ITSN1: variants seen among roughly 807,000 people sequenced by gnomAD.
ITSN1 encodes intersectin 1, also known as intersectin-1.
Under a neutral mutation model 239.8 loss-of-function variants are expected in ITSN1, and 58 were observed. The observed-to-expected ratio is 0.24, with a 90% CI of 0.20 to 0.30. The LOEUF (loss-of-function observed/expected upper bound fraction) is 0.30. Among genes scored for constraint, ITSN1 ranks in the 10% least tolerant of loss-of-function variants. ITSN1 has a pLI of 1.00. For missense variants in ITSN1, 1,558 were observed against 2,103.3 expected (o/e 0.74, Z 5.07); for synonymous variants, 780 against 770.8 (o/e 1.01, Z -0.20).
chr21:33,801,669 G>T (rs1048832771), intron 19 of ITSN1, among the ~76,000 whole-genome samples: 1 of 152,052 alleles, frequency 6.6e-6, no homozygotes, highest in Non-Finnish European at 1.5e-5. Flanking sequence ...TCCCTATGTT[G>T]CCCAGGCTCC....
At chr21:33,860,107 G>C (rs1980190494) in intron 31 of ITSN1, among the ~76,000 whole-genome samples, 1 of 152,092 alleles carries the variant, frequency 6.6e-6, no homozygotes, top group Non-Finnish European at 1.5e-5. Context: ...AGGAGTTTGA[G>C]ACCAGCCTGG....
At chr21:33,883,728 C>T in intron 36 of ITSN1, 57 bp downstream of exon 36, 1 of 1,587,854 alleles carries the variant, frequency 6.3e-7, no homozygotes. Context: ...CTAGGACACA[C>T]AAGGGGCGGG....
At chr21:33,782,821 C>T (rs983526283) in intron 16 of ITSN1, among the ~76,000 whole-genome samples, 2 of 151,786 alleles carry the variant, frequency 1.3e-5, no homozygotes, top group African/African-American at 2.4e-5. Context: ...GTCAGGAGAT[C>T]GAGACCATCC....
intron 1 of ITSN1, among the ~76,000 whole-genome samples, chr21:33,651,032 T>C (rs2088479991): frequency 6.6e-6 from 1 of 152,256 alleles, no homozygotes; most frequent in Non-Finnish European, 1.5e-5. Flanking sequence ...AGTGTATCGC[T>C]GTTGTCCAGG....
chr21:33,884,461 G>A (rs1308018836), intron 36 of ITSN1, among the ~76,000 whole-genome samples: 7 of 152,166 alleles, frequency 4.6e-5, no homozygotes, highest in African/African-American at 1.7e-4. Flanking sequence ...AAATGAAATA[G>A]ATCATTTTCT....
intron 1 of ITSN1, among the ~76,000 whole-genome samples, chr21:33,686,569 GAGT>G (rs1251596367): frequency 2.6e-5 from 4 of 152,288 alleles, no homozygotes; most frequent in Middle Eastern, 3.4e-3. Context: ...TTTCAGGGTA[GAGT>G]TACTGTTTAC....
At chr21:33,717,289 C>A (rs865871199) in intron 1 of ITSN1, among the ~76,000 whole-genome samples, 3 of 151,736 alleles carry the variant, frequency 2.0e-5, no homozygotes, top group Non-Finnish European at 4.4e-5. Flanking sequence ...CTTGACCTCC[C>A]GAGCTCAGGT....
intron 4 of ITSN1, among the ~76,000 whole-genome samples, chr21:33,724,097 T>TTG (rs58227751): frequency 0.37 from 56,249 of 150,514 alleles, 10,704 homozygotes; most frequent in East Asian, 0.55. Flanking sequence ...GTGTGTGTGT[T>TTG]TGTGTGTGTG....
At chr21:33,885,717 T>C (rs188829749) in intron 38 of ITSN1, among the ~76,000 whole-genome samples, 195 bp downstream of exon 38, 95 of 152,312 alleles carry the variant, frequency 6.2e-4, no homozygotes, top group African/African-American at 2.3e-3. Flanking sequence ...ACCATTCTGC[T>C]TCTCCGAGGG....
intron 33 of ITSN1, 120 bp downstream of exon 33, chr21:33,867,451 A>G: frequency 1.5e-6 from 1 of 670,078 alleles, no homozygotes; most frequent in Non-Finnish European, 2.7e-6. Flanking sequence ...AAAGCACGAG[A>G]CAACAAGGTG....
chr21:33,740,352 G>C (rs2066768845), intron 5 of ITSN1, among the ~76,000 whole-genome samples: 1 of 152,130 alleles, frequency 6.6e-6, no homozygotes, highest in Non-Finnish European at 1.5e-5. Flanking sequence ...GCCTTGATGT[G>C]ATGTGACATT....
Position 33,818,126 on chromosome 21 carries a change from C to CTGCTG in ITSN1, c.2728-135_2728-131dup, listed in dbSNP as rs1194885068. The CTGCTG allele has an allele frequency of 2.6e-5, 17 of 664,170 alleles. No individual in the cohort carries two copies. In the East Asian group the frequency reaches 4.3e-4, roughly 17 times the overall value. 41.1% of individuals were successfully genotyped at this position (664,170 alleles called of 1,614,324 possible). A position where few individuals can be genotyped will look rare whatever the true frequency, so the allele number is the denominator to read the frequency against. ...GGAAACAGTGAAGCATCCAGCCCTC[C>CTGCTG]TGCTGTGCTGCCTCAGGGCCCTTTG... On this transcript the variant is annotated intron_variant, in intron 22 of 39. Coordinates refer to ENST00000381318, the MANE Select transcript of ITSN1 (RefSeq NM_003024.3).
intron 1 of ITSN1, among the ~76,000 whole-genome samples, chr21:33,686,702 G>A (rs566796451): frequency 1.8e-4 from 27 of 152,150 alleles, no homozygotes; most frequent in Non-Finnish European, 3.4e-4. Context: ...CACATTTCAA[G>A]ATGGATGATC....
At chr21:33,770,030 C>A (rs1457325685) in intron 11 of ITSN1, among the ~76,000 whole-genome samples, 1 of 151,334 alleles carries the variant, frequency 6.6e-6, no homozygotes, top group African/African-American at 2.4e-5. Context: ...ATTAATTTAT[C>A]ATAAGGGCCC....
intron 5 of ITSN1, among the ~76,000 whole-genome samples, chr21:33,738,140 T>C (rs2066615524): frequency 6.6e-6 from 1 of 151,664 alleles, no homozygotes; most frequent in Non-Finnish European, 1.5e-5. Flanking sequence ...CCAAGGGAGA[T>C]CGTGCCACTG....
intron 1 of ITSN1, among the ~76,000 whole-genome samples, chr21:33,668,419 G>T (rs371487832): frequency 1.0e-3 from 158 of 152,314 alleles, no homozygotes; most frequent in African/African-American, 3.5e-3. Flanking sequence ...TCCAGCTACT[G>T]GCTAGAAACA....
chr21:33,803,136 C>T (rs1009507464), intron 20 of ITSN1, among the ~76,000 whole-genome samples: 29 of 152,224 alleles, frequency 1.9e-4, no homozygotes, highest in Admixed American at 1.8e-3. Flanking sequence ...CATTGTTCCT[C>T]TGTCAAATGA....
chr21:33,803,495 T>C (rs549224387), intron 20 of ITSN1, among the ~76,000 whole-genome samples: 4 of 152,342 alleles, frequency 2.6e-5, no homozygotes, highest in South Asian at 2.1e-4. Flanking sequence ...TTAAAACTTA[T>C]GTAGATCACA....
intron 34 of ITSN1, among the ~76,000 whole-genome samples, chr21:33,876,482 A>G (rs1004297688): frequency 6.6e-6 from 1 of 152,208 alleles, no homozygotes; most frequent in Non-Finnish European, 1.5e-5. Context: ...TTCCCACTTC[A>G]GCATCCCAAG....
Sources: allele counts gnomAD v4.1 joint callset (sites outside exome capture counted in the v4.1 genomes callset), GRCh38; gene constraint gnomAD v4.1.1; transcripts MANE v1.5; gene names NCBI Gene and HGNC (gene_info 2026-07-23, HGNC 2026-07-21).